SYNPR: variants seen among roughly 807,000 people sequenced by gnomAD.
SYNPR encodes synaptoporin.
Under a neutral mutation model 32.9 loss-of-function variants are expected in SYNPR, and 23 were observed. The observed-to-expected ratio is 0.70, with a 90% CI of 0.50 to 0.99. The LOEUF (loss-of-function observed/expected upper bound fraction) is 0.99, where lower values mean the gene tolerates loss of function less well. SYNPR is among the 50% of genes least tolerant of loss of function. The probability of loss-of-function intolerance (pLI) is 0.00; values close to 1 mark genes in which losing one functional copy is unlikely to be tolerated. For missense variants in SYNPR, 318 were observed against 349.3 expected, an observed-to-expected ratio of 0.91 and a Z score of 0.71; for synonymous variants, 146 against 135.9, an observed-to-expected ratio of 1.07 and a Z score of -0.52.
At chr3:63,240,688 C>T (rs2086234739) in intron 1 of SYNPR, among the ~76,000 whole-genome samples, 1 of 152,138 alleles carries the variant, frequency 6.6e-6, no homozygotes, top group Admixed American at 6.6e-5. Flanking sequence ...TTGCGAAGGA[C>T]ATTATTGCAA....
rs1404735649 is a variant in SYNPR at position 63,616,164 on chromosome 3, T to G, written c.*683T>G. 6.6e-6 allele frequency: 1 copy of G among 152,232 alleles called. No homozygotes were observed. Among genetic ancestry groups the G allele is most frequent in the Non-Finnish European group, 1.5e-5 (1 of 68,048 alleles). 9.4% of individuals were successfully genotyped at this position (152,232 alleles called of 1,614,324 possible). ...TGTCTCTCTGGCTTTACCCAAGTTC[T>G]GAATGCATTGTAATTAAAATTTAAG... On this transcript the variant is annotated 3_prime_UTR_variant, in exon 6 of 6. Coordinates refer to ENST00000478300, the MANE Select transcript of SYNPR (RefSeq NM_001130003.2).
intron 4 of SYNPR, among the ~76,000 whole-genome samples, chr3:63,602,979 T>A (rs1700066759): frequency 6.6e-6 from 1 of 152,252 alleles, no homozygotes; most frequent in Non-Finnish European, 1.5e-5. Flanking sequence ...TCCATGAGCA[T>A]GGAATGTTTT....
In SYNPR at chr3:63,615,373, C is replaced by T. The variant is rs2106912401; in HGVS notation, c.750C>T (p.Asp250=). The T allele has an allele frequency of 6.2e-7, 1 of 1,613,920 alleles. No homozygotes were observed. Among genetic ancestry groups the T allele is most frequent in the East Asian group, 2.2e-5 (1 of 44,872 alleles). Residue 250 remains aspartate (D), a synonymous_variant, in exon 6 of 6, where the codon GAC becomes GAT. Coordinates refer to ENST00000478300, the MANE Select transcript of SYNPR (RefSeq NM_001130003.2). The stretch of plus-strand genomic sequence containing the variant: ...ATAATCAAGGTGGTTACAACCAAGA[C>T]AGCTATGGATCAAGCAGTGGGTACA... ...SSYNQGGYNQ[D]SYGSSSGYSQ... is the part of the protein sequence containing the mutation.
chr3:63,209,634 T>A, the SYNPR span, among the ~76,000 whole-genome samples: 1 of 152,210 alleles, frequency 6.6e-6, no homozygotes, highest in Non-Finnish European at 1.5e-5. Flanking sequence ...TTAAAGTCTT[T>A]AAATAAGCTG....
At chr3:63,564,661 A>G (rs1702751840) in intron 4 of SYNPR, among the ~76,000 whole-genome samples, 1 of 152,212 alleles carries the variant, frequency 6.6e-6, no homozygotes, top group Non-Finnish European at 1.5e-5. Context: ...ATGAAGGCAA[A>G]TACATTAATC....
chr3:63,606,198 T>C (rs1013333286), intron 4 of SYNPR, among the ~76,000 whole-genome samples: 2 of 152,108 alleles, frequency 1.3e-5, no homozygotes, highest in African/African-American at 4.8e-5. Flanking sequence ...GTCTGCCTAA[T>C]GACAAAGTCT....
chr3:63,351,001 T>C (rs770937494), intron 2 of SYNPR, among the ~76,000 whole-genome samples: 29 of 152,314 alleles, frequency 1.9e-4, no homozygotes, highest in East Asian at 3.9e-4. Flanking sequence ...CTCACTCTCT[T>C]GACTGTGTGC....
intron 2 of SYNPR, among the ~76,000 whole-genome samples, chr3:63,355,245 C>T (rs1210630777): frequency 6.6e-6 from 1 of 150,886 alleles, no homozygotes; most frequent in Non-Finnish European, 1.5e-5. Flanking sequence ...TGCCACTGCA[C>T]TCCAGCCTGG....
intron 2 of SYNPR, among the ~76,000 whole-genome samples, chr3:63,398,838 C>A (rs2088252858): frequency 6.6e-6 from 1 of 152,110 alleles, no homozygotes; most frequent in African/African-American, 2.4e-5. Flanking sequence ...GAGGGGACCA[C>A]AGATGGTGAA....
At chr3:63,507,514 A>T (rs1166307498) in intron 3 of SYNPR, among the ~76,000 whole-genome samples, 2 of 152,202 alleles carry the variant, frequency 1.3e-5, no homozygotes, top group African/African-American at 4.8e-5. Context: ...CAGTCATAAA[A>T]GACTGGGGGA....
intron 2 of SYNPR, among the ~76,000 whole-genome samples, chr3:63,292,040 G>A (rs2086745213): frequency 6.6e-6 from 1 of 152,144 alleles, no homozygotes; most frequent in Non-Finnish European, 1.5e-5. Context: ...TACAGCATGT[G>A]ACTGTACTGA....
Position 63,424,821 on chromosome 3 carries a change from CA to C in SYNPR, c.85-56010del, listed in dbSNP as rs1699864826. On this transcript the variant is annotated intron_variant, in intron 2 of 5. Transcript: ENST00000478300. Reference sequence around the variant, plus strand: ...TTTTCCTTACCACTCTTCATAAGTTCAGACCAAAATATCTTCATTACACCAC... The same window carrying C: ...TTTTCCTTACCACTCTTCATAAGTTCGACCAAAATATCTTCATTACACCAC... Among the ~76,000 whole-genome samples the C allele has an allele frequency of 2.0e-5, 3 of 152,102 alleles. No individual in the cohort carries two copies. The South Asian group carries it at 6.2e-4, about 32-fold the overall frequency.
At chr3:63,226,941 AC>A (rs1242405388), upstream of SYNPR, among the ~76,000 whole-genome samples, 1 of 152,232 alleles carries the variant, frequency 6.6e-6, no homozygotes, top group Non-Finnish European at 1.5e-5. Flanking sequence ...TGATCATCAC[AC>A]ATCCTATGCA....
chr3:63,335,226 G>A (rs892092660), intron 2 of SYNPR, among the ~76,000 whole-genome samples: 7 of 151,934 alleles, frequency 4.6e-5, no homozygotes, highest in Non-Finnish European at 7.4e-5. Flanking sequence ...GGTGGCGGGT[G>A]CCTGTAGTCC....
chr3:63,608,064 A>G (rs1410407682), intron 4 of SYNPR, among the ~76,000 whole-genome samples: 1 of 152,176 alleles, frequency 6.6e-6, no homozygotes, highest in Non-Finnish European at 1.5e-5. Flanking sequence ...GGTAAGCAGC[A>G]TGTAACATTT....
intron 2 of SYNPR, among the ~76,000 whole-genome samples, chr3:63,435,707 A>G (rs1469967583): frequency 6.6e-6 from 1 of 152,236 alleles, no homozygotes; most frequent in Non-Finnish European, 1.5e-5. Context: ...GTAAGCTGAG[A>G]TGATTTGGTT....
chr3:63,466,201 C>G (rs954681542), intron 2 of SYNPR, among the ~76,000 whole-genome samples: 8 of 151,990 alleles, frequency 5.3e-5, no homozygotes, highest in Non-Finnish European at 8.8e-5. Flanking sequence ...AGGACGATAG[C>G]CTCCTACTCC....
chr3:63,377,710 T>C (rs1400624314), intron 2 of SYNPR, among the ~76,000 whole-genome samples: 5 of 152,088 alleles, frequency 3.3e-5, no homozygotes, highest in African/African-American at 4.8e-5. Context: ...ATTAATTACA[T>C]GGTTTTATAT....
chr3:63,456,998 C>T (rs1303948626), intron 2 of SYNPR, among the ~76,000 whole-genome samples: 3 of 152,078 alleles, frequency 2.0e-5, no homozygotes, highest in Non-Finnish European at 4.4e-5. Flanking sequence ...GGGCCTCTGA[C>T]CTGGGCTGTC....
Sources: gnomAD v4.1 joint callset for allele counts (sites outside exome capture counted in the v4.1 genomes callset) on GRCh38, gnomAD v4.1.1 for gene constraint, MANE v1.5 for transcripts, NCBI Gene and HGNC (gene_info 2026-07-23, HGNC 2026-07-21) for gene names.